ADCY5: variants seen among roughly 807,000 people sequenced by gnomAD.
ADCY5 encodes the protein adenylate cyclase 5.
A neutral mutation model predicts 119.7 loss-of-function variants in ADCY5; 30 were observed. The ratio of observed to expected loss-of-function variants is 0.25; its 90% CI spans 0.19 to 0.34. The LOEUF is 0.34. Ranked by LOEUF, ADCY5 falls within the 10% of genes least tolerant of loss-of-function variation. ADCY5 has a pLI of 1.00. For missense variants in ADCY5, 1,324 were observed against 1,775.2 expected, an observed-to-expected ratio of 0.75 and a Z score of 4.57; for synonymous variants, 753 against 762.2, an observed-to-expected ratio of 0.99 and a Z score of 0.20.
rs151091749 is a variant in ADCY5 at position 123,321,799 on chromosome 3, C to T, written c.2089-1028G>A. On this transcript the variant is annotated intron_variant, in intron 8 of 20. Transcript: ENST00000462833. ...CTCTCCATGAGCCAGGGCCACCAGG[C>T]ACTAAAATAGACATGGGGCCCTGGT... 6.1e-3 allele frequency among the ~76,000 whole-genome samples: 922 copies of T among 152,320 alleles called. 7 individuals carry two copies. Among genetic ancestry groups the T allele is most frequent in the Middle Eastern group, 0.031 (9 of 294 alleles).
rs1468536513 is a variant in ADCY5, at chr3:123,448,098, C to T, written c.448G>A (p.Glu150Lys). 3 of 1,159,612 alleles carry T rather than the reference C, an allele frequency of 2.6e-6. No homozygotes were observed. The highest frequency in any genetic ancestry group is 3.2e-6 in the Non-Finnish European group (3 of 943,700). The allele number at this position is 1,159,612 out of a possible 1,614,324, so 71.8% of individuals were successfully genotyped here. The change falls in exon 1 of 21, where the codon GAG becomes AAG. Residue 150 changes from glutamate (E) to lysine (K), a missense_variant. By Grantham distance (56) the Glu-to-Lys change is moderately conservative (BLOSUM62 1). Transcript: ENST00000462833. ...AAAAASAGGT[E>K]VRPRSVEVGL... ...ACCTCCACCGAGCGAGGGCGCACCT[C>T]CGTCCCGCCCGCCGAGGCAGCCGCC...
intron 1 of ADCY5, among the ~76,000 whole-genome samples, chr3:123,387,744 G>A (rs1242725772): frequency 1.3e-5 from 2 of 152,196 alleles, no homozygotes; most frequent in Non-Finnish European, 2.9e-5. Flanking sequence ...TAAACCCAAT[G>A]GCAGGCCAGG....
intron 8 of ADCY5, among the ~76,000 whole-genome samples, chr3:123,322,546 C>T (rs1941274613): frequency 1.3e-5 from 2 of 152,100 alleles, no homozygotes; most frequent in African/African-American, 4.8e-5. Flanking sequence ...GCCATTAAAA[C>T]ACAACAGAGC....
chr3:123,426,745 G>A (rs528267076), intron 1 of ADCY5, among the ~76,000 whole-genome samples: 14 of 152,264 alleles, frequency 9.2e-5, no homozygotes, highest in Admixed American at 3.9e-4. Context: ...GGAGGTTGGC[G>A]CAAGGAGCCT....
At chr3:123,304,304 CT>C in intron 12 of ADCY5, 121 bp from the exon 13 acceptor site, 1 of 678,802 alleles carries the variant, frequency 1.5e-6, no homozygotes, top group South Asian at 1.7e-5. Context: ...AGCATGACCC[CT>C]GGGCCTTCCT....
At chr3:123,353,194 C>T (rs1040402785) in intron 1 of ADCY5, among the ~76,000 whole-genome samples, 3 of 152,170 alleles carry the variant, frequency 2.0e-5, no homozygotes, top group East Asian at 1.9e-4. Context: ...CTGCACCAGC[C>T]GGCCAGTGCC....
intron 18 of ADCY5, 143 bp from the exon 19 acceptor site, chr3:123,290,097 C>G (rs1448620401): frequency 8.5e-6 from 7 of 821,358 alleles, no homozygotes. Flanking sequence ...TCTCCATCCT[C>G]ATCAGTGTGA....
chr3:123,349,870 G>A (rs1233529412), intron 2 of ADCY5, among the ~76,000 whole-genome samples: 5 of 152,164 alleles, frequency 3.3e-5, no homozygotes, highest in African/African-American at 1.2e-4. Flanking sequence ...CCCACTGCAA[G>A]CAAGCAACTG....
chr3:123,311,260 A>C (rs1576554796), intron 12 of ADCY5, among the ~76,000 whole-genome samples: 1 of 152,352 alleles, frequency 6.6e-6, no homozygotes. Flanking sequence ...TTCAAAAAGA[A>C]AACAGAAGGA....
intron 14 of ADCY5, among the ~76,000 whole-genome samples, chr3:123,302,042 C>T (rs1259773767): frequency 6.6e-6 from 1 of 152,238 alleles, no homozygotes; most frequent in Non-Finnish European, 1.5e-5. Flanking sequence ...GTGGGGGGCC[C>T]ACACTGACAG....
intron 16 of ADCY5, chr3:123,297,073 T>A: frequency 6.5e-7 from 1 of 1,532,768 alleles, no homozygotes; most frequent in Non-Finnish European, 8.7e-7. Context: ...GAGCTTGAGG[T>A]TAAATGCTTT....
At chr3:123,311,611 C>T (rs1940584659) in intron 12 of ADCY5, among the ~76,000 whole-genome samples, 1 of 152,168 alleles carries the variant, frequency 6.6e-6, no homozygotes, top group African/African-American at 2.4e-5. Context: ...GCTAATCAGG[C>T]CAGGAGAGGA....
intron 5 of ADCY5, among the ~76,000 whole-genome samples, chr3:123,330,411 TTC>T (rs1409619146): frequency 1.3e-5 from 2 of 152,316 alleles, no homozygotes; most frequent in South Asian, 4.1e-4. Flanking sequence ...GGCAGGGTGA[TTC>T]TCTCTAAGCG....
intron 1 of ADCY5, among the ~76,000 whole-genome samples, chr3:123,437,101 C>T (rs959889807): frequency 1.3e-5 from 2 of 152,028 alleles, no homozygotes; most frequent in African/African-American, 4.8e-5. Flanking sequence ...AAGAAAGCCC[C>T]CAAAAAGAAG....
At chr3:123,337,306 C>T (rs4678010) in intron 3 of ADCY5, among the ~76,000 whole-genome samples, 31,232 of 152,168 alleles carry the variant, frequency 0.21, 3,682 homozygotes, top group East Asian at 0.49. Flanking sequence ...TGCGGCGGGC[C>T]ATGCCTACCT....
chr3:123,293,827 C>T (rs973269005), intron 17 of ADCY5, among the ~76,000 whole-genome samples: 1 of 152,160 alleles, frequency 6.6e-6, no homozygotes, highest in African/African-American at 2.4e-5. Flanking sequence ...CGTTTCCACA[C>T]CTACAAGCAG....
At chr3:123,427,857 T>G (rs1945444173) in intron 1 of ADCY5, among the ~76,000 whole-genome samples, 1 of 152,250 alleles carries the variant, frequency 6.6e-6, no homozygotes, top group Non-Finnish European at 1.5e-5. Context: ...CTTGTTCATC[T>G]TGGTTTCCCA....
At chr3:123,335,630 G>A (rs1576589804) in intron 3 of ADCY5, among the ~76,000 whole-genome samples, 1 of 152,270 alleles carries the variant, frequency 6.6e-6, no homozygotes, top group African/African-American at 2.4e-5. Context: ...ACCCCTGGGA[G>A]CTGCTGCTGT....
intron 1 of ADCY5, among the ~76,000 whole-genome samples, chr3:123,359,412 T>G (rs1431506915): frequency 3.4e-5 from 5 of 146,790 alleles, no homozygotes; most frequent in African/African-American, 5.1e-5. Flanking sequence ...CATATTTTAC[T>G]GGGCAACCCT....
Sources: gnomAD v4.1 joint callset for allele counts (sites outside exome capture counted in the v4.1 genomes callset) on GRCh38, gnomAD v4.1.1 for gene constraint, MANE v1.5 for transcripts, NCBI Gene and HGNC (gene_info 2026-07-23, HGNC 2026-07-21) for gene names.